Variants in RBFOX3 observed in about 807,000 individuals in gnomAD.
RBFOX3 encodes RNA binding fox-1 homolog 3.
Under a neutral mutation model 48.7 loss-of-function variants are expected in RBFOX3, and 17 were observed. The ratio of observed to expected loss-of-function variants is 0.35; its 90% CI spans 0.24 to 0.52. RBFOX3 has a LOEUF of 0.52. Among genes scored for constraint, RBFOX3 ranks in the 20% least tolerant of loss-of-function variants. RBFOX3 has a pLI of 0.94. For synonymous variants in RBFOX3, 212 were observed against 209.5 expected, an observed-to-expected ratio of 1.01 and a Z score of -0.10; for missense variants, 382 against 497.5, an observed-to-expected ratio of 0.77 and a Z score of 2.21.
At chr17:79,358,740 T>C (rs35001795) in intron 2 of RBFOX3, among the ~76,000 whole-genome samples, 22,170 of 152,256 alleles carry the variant, frequency 0.15, 1,891 homozygotes, top group Middle Eastern at 0.22. Context: ...GGATTACAGG[T>C]GTGAGCCTCC....
intron 1 of RBFOX3, among the ~76,000 whole-genome samples, chr17:79,515,288 C>T (rs1230448237): frequency 6.6e-6 from 1 of 152,182 alleles, no homozygotes; most frequent in Non-Finnish European, 1.5e-5. Context: ...AGCTGGGGCC[C>T]CTGGGGGTGT....
In RBFOX3 at chr17:79,362,258, C is replaced by A. The variant is rs144686824; in HGVS notation, c.-174-54434G>T. 7.7e-4 allele frequency among the ~76,000 whole-genome samples: 117 copies of A among 152,348 alleles called. 1 individual carries two copies. The East Asian group carries it at 0.022, about 28-fold the overall frequency. On this transcript the variant is annotated intron_variant, in intron 2 of 14. Transcript: ENST00000693108. The surrounding 1 kb of genome is among the most constrained non-coding windows in gnomAD (Gnocchi z 4.2). Reference sequence around the variant, plus strand: ...TCCCAGGTTCTCAGATATTTTCCTGCCTTTGGGAAAATGCATCTGTCTCCC... The same window carrying A: ...TCCCAGGTTCTCAGATATTTTCCTGACTTTGGGAAAATGCATCTGTCTCCC...
intron 2 of RBFOX3, among the ~76,000 whole-genome samples, chr17:79,424,732 C>T (rs548989852): frequency 3.9e-5 from 6 of 152,312 alleles, no homozygotes; most frequent in East Asian, 3.9e-4. Context: ...CGGGCCGGGC[C>T]GGAGCTCCAG....
intron 2 of RBFOX3, among the ~76,000 whole-genome samples, chr17:79,358,857 G>A (rs952247912): frequency 6.6e-6 from 1 of 152,188 alleles, no homozygotes; most frequent in Non-Finnish European, 1.5e-5. Context: ...GGTTTCTCAT[G>A]TGTATCAGCT....
At chr17:79,286,488 G>A (rs1460377991) in intron 3 of RBFOX3, among the ~76,000 whole-genome samples, 3 of 152,168 alleles carry the variant, frequency 2.0e-5, no homozygotes, top group South Asian at 4.1e-4. Flanking sequence ...AACAGAAAAC[G>A]CTGAGATGGG....
chr17:79,596,614 G>T, intron 1 of RBFOX3, among the ~76,000 whole-genome samples: 2 of 152,336 alleles, frequency 1.3e-5, no homozygotes, highest in African/African-American at 4.8e-5. Context: ...TGTTGATTGA[G>T]AATGGACTAT....
intron 4 of RBFOX3, among the ~76,000 whole-genome samples, chr17:79,159,311 G>A (rs1044369311): frequency 3.3e-5 from 5 of 152,154 alleles, no homozygotes; most frequent in Admixed American, 2.6e-4. Flanking sequence ...GGCCCGGGCG[G>A]TTCCTCCTCA....
intron 2 of RBFOX3, among the ~76,000 whole-genome samples, chr17:79,347,672 A>G (rs557791108): frequency 6.6e-6 from 1 of 152,140 alleles, no homozygotes; most frequent in African/African-American, 2.4e-5. Context: ...TTCCACAGCT[A>G]TACCTTAACA....
intron 3 of RBFOX3, among the ~76,000 whole-genome samples, chr17:79,304,391 T>TA (rs2075795504): frequency 6.6e-6 from 1 of 150,432 alleles, no homozygotes; most frequent in Admixed American, 6.7e-5. Flanking sequence ...TATATTTGTA[T>TA]ATAATGTAAA....
intron 2 of RBFOX3, among the ~76,000 whole-genome samples, chr17:79,478,444 C>T (rs1247463608): frequency 1.3e-5 from 2 of 152,022 alleles, no homozygotes; most frequent in Admixed American, 1.3e-4. Flanking sequence ...CCATGGCATG[C>T]GCGGCAGCAC....
intron 4 of RBFOX3, among the ~76,000 whole-genome samples, chr17:79,172,960 G>A (rs1262189695): frequency 1.3e-5 from 2 of 152,222 alleles, no homozygotes; most frequent in East Asian, 1.9e-4. Context: ...CGTAATTCCA[G>A]CACTTTGGGA....
intron 2 of RBFOX3, among the ~76,000 whole-genome samples, chr17:79,407,024 T>G (rs2063628921): frequency 6.6e-6 from 1 of 152,256 alleles, no homozygotes; most frequent in South Asian, 2.1e-4. Flanking sequence ...TTGTTTCTGT[T>G]TTGAGATGAA....
intron 1 of RBFOX3, among the ~76,000 whole-genome samples, chr17:79,573,205 G>T (rs1029526923): frequency 2.2e-4 from 33 of 152,274 alleles, no homozygotes; most frequent in Middle Eastern, 3.4e-3. Flanking sequence ...TCTCCAGAGC[G>T]CAGCAGCAGA....
chr17:79,517,963 C>T (rs975797671), intron 1 of RBFOX3, among the ~76,000 whole-genome samples: 6 of 152,094 alleles, frequency 3.9e-5, no homozygotes, highest in Non-Finnish European at 7.3e-5. Context: ...AGGAGGCAGC[C>T]GGAGAAACCG....
intron 2 of RBFOX3, among the ~76,000 whole-genome samples, chr17:79,420,670 G>T (rs2066177793): frequency 6.6e-6 from 1 of 152,354 alleles, no homozygotes; most frequent in African/African-American, 2.4e-5. Context: ...CCACTGCTCT[G>T]CAGCTGAAGA....
chr17:79,100,331 A>T (rs2076179260), intron 9 of RBFOX3: 1 of 152,230 alleles, frequency 6.6e-6, no homozygotes, highest in African/African-American at 2.4e-5. Flanking sequence ...ATCACAGAAG[A>T]GTCACACCCA....
upstream of RBFOX3, among the ~76,000 whole-genome samples, chr17:79,613,772 G>A (rs1175974538): frequency 6.6e-6 from 1 of 152,164 alleles, no homozygotes; most frequent in African/African-American, 2.4e-5. Context: ...TCAGGAGTTC[G>A]AGACCAGCCT....
intron 4 of RBFOX3, among the ~76,000 whole-genome samples, chr17:79,222,818 G>A (rs1222888389): frequency 6.6e-6 from 1 of 152,224 alleles, no homozygotes; most frequent in African/African-American, 2.4e-5. Context: ...CTGGCTGTGG[G>A]GCTGGAAAGA....
chr17:79,280,245 AC>A (rs2070050966), intron 3 of RBFOX3, among the ~76,000 whole-genome samples: 2 of 151,096 alleles, frequency 1.3e-5, no homozygotes, highest in Non-Finnish European at 2.9e-5. Flanking sequence ...ATGCACACAC[AC>A]ACACATGCAC....
Sources: allele counts gnomAD v4.1 joint callset (sites outside exome capture counted in the v4.1 genomes callset), GRCh38; gene constraint gnomAD v4.1.1; non-coding constraint Gnocchi (gnomAD v3.1); transcripts MANE v1.5; gene names NCBI Gene and HGNC (gene_info 2026-07-23, HGNC 2026-07-21).